The following HERC4 variants were observed in gnomAD, a reference collection of about 807,000 sequenced individuals.
HERC4 encodes probable E3 ubiquitin-protein ligase HERC4.
Under a neutral mutation model 124.3 loss-of-function variants are expected in HERC4, and 28 were observed. The ratio of observed to expected loss-of-function variants is 0.23; its 90% CI spans 0.17 to 0.31. The LOEUF (loss-of-function observed/expected upper bound fraction) is 0.31, where lower values mean the gene tolerates loss of function less well. Among genes scored for constraint, HERC4 ranks in the 10% least tolerant of loss-of-function variants. The probability of loss-of-function intolerance (pLI) is 1.00; values close to 1 mark genes in which losing one functional copy is unlikely to be tolerated. For missense variants in HERC4, 713 were observed against 1,229.3 expected, an observed-to-expected ratio of 0.58 and a Z score of 6.28; for synonymous variants, 407 against 421.5, an observed-to-expected ratio of 0.97 and a Z score of 0.42.
intron 3 of HERC4, among the ~76,000 whole-genome samples, chr10:68,071,300 C>G (rs1215569582): frequency 1.3e-5 from 2 of 152,152 alleles, no homozygotes; most frequent in East Asian, 3.9e-4. Flanking sequence ...GGAGGCTGTT[C>G]CTGGCACTAT....
intron 17 of HERC4, 63 bp from the exon 18 acceptor site, chr10:67,955,193 A>T: frequency 1.4e-6 from 2 of 1,410,680 alleles, no homozygotes; most frequent in Non-Finnish European, 1.9e-6. Flanking sequence ...TGACTGAAAC[A>T]AGCTAACCTC....
intron 19 of HERC4, among the ~76,000 whole-genome samples, chr10:67,944,435 A>G (rs894903664): frequency 5.3e-5 from 8 of 152,240 alleles, no homozygotes; most frequent in African/African-American, 1.9e-4. Context: ...AACTTAGATT[A>G]CAACACCCAA....
chr10:68,007,782 A>G (rs1044643968), intron 9 of HERC4: 2 of 151,516 alleles, frequency 1.3e-5, no homozygotes, highest in Non-Finnish European at 2.9e-5. Context: ...GCACGATCCC[A>G]CTACTGATCA....
rs1022450966 is a variant in HERC4 at position 67,942,758 on chromosome 10, G to A, written c.2338-1653C>T. ...ACCCCTGACCTCAGGTGATCCACCC[G>A]CCTCGGCCTCCCAAAGTGCTGAGAT... On this transcript the variant is annotated intron_variant, in intron 19 of 24. Transcript: ENST00000373700. 2.6e-5 allele frequency among the ~76,000 whole-genome samples: 4 copies of A among 152,186 alleles called. No individual in the cohort carries two copies. The East Asian group carries it at 7.7e-4, about 29-fold the overall frequency.
intron 15 of HERC4, among the ~76,000 whole-genome samples, chr10:67,973,339 A>G (rs1238764162): frequency 6.6e-6 from 1 of 152,228 alleles, no homozygotes; most frequent in Non-Finnish European, 1.5e-5. Context: ...TGGATTCAAC[A>G]TGCAGTTGGG....
intron 15 of HERC4, among the ~76,000 whole-genome samples, chr10:67,974,310 C>T (rs2035452428): frequency 6.6e-6 from 1 of 151,858 alleles, no homozygotes; most frequent in African/African-American, 2.4e-5. Context: ...AAATGCAGAC[C>T]CTATAGAGAT....
intron 8 of HERC4, among the ~76,000 whole-genome samples, chr10:68,021,561 C>A (rs770052151): frequency 2.0e-5 from 3 of 152,198 alleles, no homozygotes; most frequent in Admixed American, 1.3e-4. Flanking sequence ...GTAATCCCAG[C>A]ACTTTGGGAG....
Position 67,922,890 on chromosome 10 carries a change from T to A in HERC4, c.*41A>T. 1 of 1,349,212 alleles carries A rather than the reference T, an allele frequency of 7.4e-7. No individual in the cohort carries two copies. Among genetic ancestry groups the A allele is most frequent in the Non-Finnish European group, 1.0e-6 (1 of 968,588 alleles). 83.6% of individuals were successfully genotyped at this position (1,349,212 alleles called of 1,614,324 possible). ...TCACCACAAGAAAAACACAAATAGT[T>A]TAATGCTTTTGCACTAAACTGAATA... On this transcript the variant is annotated 3_prime_UTR_variant, in exon 25 of 25. Transcript: ENST00000373700.
intron 17 of HERC4, chr10:67,955,605 C>T (rs1169275165): frequency 1.3e-5 from 2 of 152,556 alleles, no homozygotes; most frequent in African/African-American, 2.4e-5. Flanking sequence ...AATCCTGTCT[C>T]TACTAAAAAT....
intron 8 of HERC4, among the ~76,000 whole-genome samples, chr10:68,017,401 A>C (rs1032598732): frequency 1.1e-4 from 16 of 152,254 alleles, no homozygotes; most frequent in African/African-American, 3.6e-4. Flanking sequence ...GAAACAAATA[A>C]ACATTTACTA....
chr10:68,066,230 T>C (rs962277980), intron 3 of HERC4, among the ~76,000 whole-genome samples: 1 of 152,198 alleles, frequency 6.6e-6, no homozygotes, highest in Non-Finnish European at 1.5e-5. Context: ...ATACATGCCT[T>C]TGTGAGAAAT....
chr10:67,923,584 G>A (rs765401991), intron 24 of HERC4, among the ~76,000 whole-genome samples: 9 of 150,562 alleles, frequency 6.0e-5, no homozygotes, highest in Non-Finnish European at 8.9e-5. Context: ...TTTTTGAGAC[G>A]AGTCTTGCTC....
At chr10:68,010,598 C>T in intron 9 of HERC4, 1 of 1,279,426 alleles carries the variant, frequency 7.8e-7, no homozygotes, top group Non-Finnish European at 1.1e-6. Context: ...TTCAGGCCTG[C>T]ACGAGGGTTT....
chr10:68,028,601 G>A (rs1396159966), intron 7 of HERC4, among the ~76,000 whole-genome samples: 2 of 152,108 alleles, frequency 1.3e-5, no homozygotes, highest in Non-Finnish European at 2.9e-5. Flanking sequence ...ATTGTGTCCA[G>A]ATTATACATG....
intron 4 of HERC4, 88 bp downstream of exon 4, chr10:68,044,316 T>C (rs1171163092): frequency 4.6e-6 from 6 of 1,306,664 alleles, no homozygotes; most frequent in Non-Finnish European, 5.2e-6. Flanking sequence ...TGTCAACTCT[T>C]ACAGGCCCAA....
intron 8 of HERC4, among the ~76,000 whole-genome samples, chr10:68,018,767 T>G (rs2038417441): frequency 6.6e-6 from 1 of 152,096 alleles, no homozygotes; most frequent in Non-Finnish European, 1.5e-5. Flanking sequence ...GATGAAAATT[T>G]TAAAACATTT....
chr10:68,041,907 C>T (rs79343027), intron 4 of HERC4, among the ~76,000 whole-genome samples: 70 of 152,290 alleles, frequency 4.6e-4, no homozygotes, highest in African/African-American at 1.6e-3. Context: ...CAGTTATATC[C>T]TATTGTTAAT....
At chr10:68,061,179 G>C (rs2040990809) in intron 3 of HERC4, among the ~76,000 whole-genome samples, 1 of 152,074 alleles carries the variant, frequency 6.6e-6, no homozygotes, top group Admixed American at 6.6e-5. Context: ...GGAACCAAAA[G>C]CAACTTATAC....
intron 9 of HERC4, among the ~76,000 whole-genome samples, chr10:68,001,913 C>T (rs1215943890): frequency 2.6e-5 from 4 of 152,112 alleles, no homozygotes; most frequent in East Asian, 1.9e-4. Context: ...GAATACTATT[C>T]CACTATAGAG....
Sources: gnomAD v4.1 joint callset for allele counts (sites outside exome capture counted in the v4.1 genomes callset) on GRCh38, gnomAD v4.1.1 for gene constraint, MANE v1.5 for transcripts, NCBI Gene and HGNC (gene_info 2026-07-23, HGNC 2026-07-21) for gene names.